The following PUM2 variants were observed in gnomAD, a reference collection of about 807,000 sequenced individuals.
PUM2 encodes the protein pumilio homolog 2.
Under a neutral mutation model 124.5 loss-of-function variants are expected in PUM2, and 57 were observed. The ratio of observed to expected loss-of-function variants is 0.46; its 90% confidence interval spans 0.37 to 0.57. The LOEUF (loss-of-function observed/expected upper bound fraction) is 0.57. Among genes scored for constraint, PUM2 ranks in the 20% least tolerant of loss-of-function variants. The pLI is 0.00. For missense variants in PUM2, 1,065 were observed against 1,290.6 expected (o/e 0.83, Z 2.68); for synonymous variants, 460 against 446.1 (o/e 1.03, Z -0.39).
chr2:20,347,960 C>T (rs937282930), intron 1 of PUM2, among the ~76,000 whole-genome samples: 2 of 152,152 alleles, frequency 1.3e-5, no homozygotes, highest in African/African-American at 4.8e-5. Context: ...TTCCCTCTTA[C>T]AAACTCATCA....
chr2:20,303,987 C>CCTT (rs77593081), intron 7 of PUM2, among the ~76,000 whole-genome samples: 54,031 of 151,968 alleles, frequency 0.36, 9,665 homozygotes, highest in Middle Eastern at 0.43. Context: ...TCTGGCTGAT[C>CCTT]CTTCTTTGTA....
At chr2:20,292,625 A>C (rs1401073372) in intron 9 of PUM2, among the ~76,000 whole-genome samples, 4 of 152,090 alleles carry the variant, frequency 2.6e-5, no homozygotes, top group Non-Finnish European at 5.9e-5. Context: ...GCCTAAAATT[A>C]GATTTTATTA....
rs533569624 is a variant in PUM2, at chr2:20,341,242, TAAAC to T, written c.-19+9351_-19+9354del. Among the ~76,000 whole-genome samples, 513 of 152,214 alleles carry T rather than the reference TAAAC, an allele frequency of 3.4e-3. 5 individuals are homozygous for T. The highest frequency in any genetic ancestry group is 0.012 in the African/African-American group (494 of 41,504). On this transcript the variant is annotated intron_variant, in intron 1 of 20. Coordinates refer to ENST00000361078, the MANE Select transcript of PUM2 (RefSeq NM_015317.5). ...AAGTTTCTCTTTTGGAAATTTACCT[TAAAC>T]AAACAGCACCAACACAAATGAATTA...
chr2:20,352,092 A>G (rs942638339), upstream of PUM2: 4 of 152,266 alleles, frequency 2.6e-5, no homozygotes, highest in African/African-American at 9.6e-5. Context: ...CCACCTATTC[A>G]TTCCCCAAAT....
intron 3 of PUM2, among the ~76,000 whole-genome samples, chr2:20,315,059 T>G (rs931147134): frequency 7.0e-5 from 6 of 85,764 alleles, no homozygotes; most frequent in African/African-American, 2.1e-4. Flanking sequence ...GAAGTGTGCT[T>G]CTTTTTTTTT....
At chr2:20,272,270 A>T (rs17612703) in intron 13 of PUM2, among the ~76,000 whole-genome samples, 42,891 of 152,034 alleles carry the variant, frequency 0.28, 6,455 homozygotes, top group Middle Eastern at 0.35. Flanking sequence ...TGGGCTCAAA[A>T]TTTTGGTTCT....
intron 7 of PUM2, among the ~76,000 whole-genome samples, chr2:20,306,115 G>A (rs1262215055): frequency 6.6e-6 from 1 of 152,104 alleles, no homozygotes; most frequent in Non-Finnish European, 1.5e-5. Context: ...TGCGGCGAGA[G>A]GATCACTTGA....
rs200294801 is a variant in PUM2 at position 20,261,394 on chromosome 2, C to CAAAAAAAAAAAAA, written c.2226-941_2226-929dup. Among the ~76,000 whole-genome samples, 138 of 76,756 alleles carry CAAAAAAAAAAAAA rather than the reference C, an allele frequency of 1.8e-3. 28 individuals are homozygous for CAAAAAAAAAAAAA. The highest frequency in any genetic ancestry group is 2.1e-3 in the African/African-American group (36 of 17,430). 50.4% of individuals were successfully genotyped at this position (76,756 alleles called of 152,430 possible). A position where few individuals can be genotyped will look rare whatever the true frequency, so the allele number is the denominator to read the frequency against. On this transcript the variant is annotated intron_variant, in intron 14 of 20. Transcript: ENST00000361078. ...AAGCGACAGAGTGAGACTCTGTCTC[C>CAAAAAAAAAAAAA]AAAAAAAAAAAAAAAAAAAAAAAAA...
chr2:20,255,403 G>C, intron 17 of PUM2, 62 bp from the exon 18 acceptor site: 1 of 1,488,722 alleles, frequency 6.7e-7, no homozygotes, highest in Non-Finnish European at 9.0e-7. Context: ...GTTCTATGAA[G>C]CAGACTGGTT....
intron 20 of PUM2, 144 bp downstream of exon 20, chr2:20,253,678 C>A: frequency 1.3e-6 from 1 of 755,334 alleles, no homozygotes; most frequent in Non-Finnish European, 2.0e-6. Context: ...GGAAACCATA[C>A]CAATATATCT....
In PUM2 at chr2:20,319,717, T is replaced by C. The variant is rs957298326; in HGVS notation, c.52-1072A>G. On this transcript the variant is annotated intron_variant, in intron 2 of 20. Coordinates refer to ENST00000361078, the MANE Select transcript of PUM2 (RefSeq NM_015317.5). ...GCAGTGTGTAGAATAGGGTGTAAGATGAAACATGTGGGAAGGTCAAAAGTT... is the reference window on the plus strand; with the variant it reads ...GCAGTGTGTAGAATAGGGTGTAAGACGAAACATGTGGGAAGGTCAAAAGTT... Among the ~76,000 whole-genome samples the C allele has an allele frequency of 2.0e-5, 3 of 152,106 alleles. No individual in the cohort carries two copies. The South Asian group carries it at 6.2e-4, about 31-fold the overall frequency.
chr2:20,258,167 C>T, intron 16 of PUM2, 76 bp downstream of exon 16: 1 of 1,324,410 alleles, frequency 7.6e-7, no homozygotes, highest in Non-Finnish European at 1.0e-6. Context: ...TTCAAGATTA[C>T]TGTAAGATTA....
intron 3 of PUM2, among the ~76,000 whole-genome samples, chr2:20,315,673 T>C (rs2148667864): frequency 6.6e-6 from 1 of 151,892 alleles, no homozygotes; most frequent in African/African-American, 2.4e-5. Context: ...CAAAAAATCT[T>C]TGGTTGGCTG....
chr2:20,264,629 TATAG>T lies in PUM2; in HGVS notation c.1958-1173_1958-1170del, dbSNP rs542033690. On this transcript the variant is annotated intron_variant, in intron 13 of 20. Coordinates refer to ENST00000361078, the MANE Select transcript of PUM2 (RefSeq NM_015317.5). ...AGTGTCCTTTTAAAAAAGAAAAATG[TATAG>T]ATAGTTGTAAAATACACATTAGTAG... Among the ~76,000 whole-genome samples, 1,142 of 152,050 alleles carry T rather than the reference TATAG, an allele frequency of 7.5e-3. 16 individuals are homozygous for T. The highest frequency in any genetic ancestry group is 0.025 in the African/African-American group (1,041 of 41,482).
At chr2:20,268,470 T>C (rs968273583) in intron 13 of PUM2, among the ~76,000 whole-genome samples, 1 of 151,996 alleles carries the variant, frequency 6.6e-6, no homozygotes, top group Non-Finnish European at 1.5e-5. Flanking sequence ...GTAAAAAAAT[T>C]AGCTGGGTGT....
At chr2:20,345,820 C>T (rs768423200) in intron 1 of PUM2, among the ~76,000 whole-genome samples, 2 of 152,024 alleles carry the variant, frequency 1.3e-5, no homozygotes, top group Non-Finnish European at 2.9e-5. Context: ...TGCAGTGAGC[C>T]GAGATCACGC....
intron 1 of PUM2, among the ~76,000 whole-genome samples, chr2:20,346,070 A>C (rs774756926): frequency 3.3e-5 from 5 of 152,198 alleles, no homozygotes; most frequent in Non-Finnish European, 5.9e-5. Context: ...TTTAGATATT[A>C]AGACGAGGGC....
chr2:20,342,190 A>G (rs1305509135), intron 1 of PUM2, among the ~76,000 whole-genome samples: 4 of 152,134 alleles, frequency 2.6e-5, no homozygotes, highest in Non-Finnish European at 1.5e-5. Flanking sequence ...GAACTAAAGG[A>G]AGAAATCTGA....
intron 1 of PUM2, among the ~76,000 whole-genome samples, chr2:20,340,193 C>T (rs1311266259): frequency 6.6e-5 from 10 of 152,106 alleles, no homozygotes; most frequent in South Asian, 2.1e-4. Flanking sequence ...TCCTGTCATC[C>T]AAGACTACTG....
Sources: gnomAD v4.1 joint callset for allele counts (sites outside exome capture counted in the v4.1 genomes callset) on GRCh38, gnomAD v4.1.1 for gene constraint, MANE v1.5 for transcripts, NCBI Gene and HGNC (gene_info 2026-07-23, HGNC 2026-07-21) for gene names.